TNR: variants seen among roughly 807,000 people sequenced by gnomAD.
TNR encodes tenascin-R.
Under a neutral mutation model 150.4 loss-of-function variants are expected in TNR, and 45 were observed. That is an observed-to-expected ratio of 0.30 (90% CI 0.24 to 0.38). The LOEUF (loss-of-function observed/expected upper bound fraction) is 0.38. TNR is among the 10% of genes least tolerant of loss of function. The probability of loss-of-function intolerance (pLI) is 1.00; values close to 1 mark genes in which losing one functional copy is unlikely to be tolerated. For synonymous variants in TNR, 687 were observed against 678.4 expected, an observed-to-expected ratio of 1.01 and a Z score of -0.20; for missense variants, 1,544 against 1,759.1, an observed-to-expected ratio of 0.88 and a Z score of 2.19.
chr1:175,681,716 A>T (rs1171099765), intron 1 of TNR, among the ~76,000 whole-genome samples: 1 of 152,180 alleles, frequency 6.6e-6, no homozygotes, highest in Non-Finnish European at 1.5e-5. Context: ...TCCATAAGCA[A>T]GGTGCAGAGA....
At chr1:175,417,065 AAGAAAGAAAG>A (rs1318842677) in intron 2 of TNR, among the ~76,000 whole-genome samples, 19 of 150,096 alleles carry the variant, frequency 1.3e-4, no homozygotes, top group African/African-American at 4.2e-4. Flanking sequence ...GAAAGAAAGA[AAGAAAGAAAG>A]AAATCTAAGA....
intron 2 of TNR, among the ~76,000 whole-genome samples, chr1:175,473,656 A>G (rs1487587885): frequency 1.3e-5 from 2 of 152,174 alleles, no homozygotes; most frequent in Non-Finnish European, 2.9e-5. Flanking sequence ...CCCTTGTCTG[A>G]TTCTGCCCGC....
At chr1:175,446,749 G>A (rs1656067600) in intron 2 of TNR, among the ~76,000 whole-genome samples, 1 of 152,144 alleles carries the variant, frequency 6.6e-6, no homozygotes, top group South Asian at 2.1e-4. Context: ...GTAAGTCATG[G>A]TCAGCTGGAA....
chr1:175,677,335 A>C (rs1665893654), intron 1 of TNR, among the ~76,000 whole-genome samples: 1 of 152,000 alleles, frequency 6.6e-6, no homozygotes, highest in Non-Finnish European at 1.5e-5. Flanking sequence ...ATTTCCCTCC[A>C]TTGCCTCCTA....
At chr1:175,722,589 C>T (rs1667338090) in intron 1 of TNR, among the ~76,000 whole-genome samples, 1 of 151,706 alleles carries the variant, frequency 6.6e-6, no homozygotes, top group Non-Finnish European at 1.5e-5. Flanking sequence ...CTCAGCCTCC[C>T]AGGTAGCTGA....
intron 2 of TNR, among the ~76,000 whole-genome samples, chr1:175,517,012 TGAGAGAGAGAGAGAGAGA>T (rs58416273): frequency 1.2e-4 from 15 of 120,452 alleles, no homozygotes; most frequent in African/African-American, 3.4e-4. Context: ...ATCTGAAAGC[TGAGAGAGAGAGAGAGAGA>T]GAGAGAGAGA....
At chr1:175,338,307 G>A (rs1304343123) in intron 18 of TNR, among the ~76,000 whole-genome samples, 2 of 152,192 alleles carry the variant, frequency 1.3e-5, no homozygotes, top group Non-Finnish European at 2.9e-5. Context: ...TTAAGGAGAG[G>A]GCAGGGGAAG....
At chr1:175,703,742 A>G (rs1666768070) in intron 1 of TNR, among the ~76,000 whole-genome samples, 2 of 152,220 alleles carry the variant, frequency 1.3e-5, no homozygotes, top group Non-Finnish European at 2.9e-5. Flanking sequence ...CCAAACAAGC[A>G]ATCACAAAGT....
rs1236881633 is a variant in TNR, at chr1:175,321,368, G to C, written c.*1989C>G. The C allele has an allele frequency of 6.6e-6, 1 of 152,192 alleles. No homozygotes were observed. The highest frequency in any genetic ancestry group is 1.5e-5 in the Non-Finnish European group (1 of 68,062). 9.4% of individuals were successfully genotyped at this position (152,192 alleles called of 1,614,324 possible). On this transcript the variant is annotated 3_prime_UTR_variant, in exon 23 of 23. Transcript: ENST00000367674. ...CCGAGGCCTGATGGTCAGCCCAAGG[G>C]ACTTTTCATCTTGGTTCTCAAAGCT...
intron 5 of TNR, among the ~76,000 whole-genome samples, chr1:175,396,243 T>C (rs1653419467): frequency 6.6e-6 from 1 of 152,246 alleles, no homozygotes; most frequent in Non-Finnish European, 1.5e-5. Flanking sequence ...TCTTACACTT[T>C]CCTTGACTTC....
At position 175,396,535 on chromosome 1, in the gene TNR, G is replaced by T. The variant is rs376878885; in HGVS notation, c.1240+9C>A. Reference sequence around the variant, plus strand: ...GAAAAATGAAGCAGGACGGGGAAATGGTACGTACGGGTGGCCACCTTGGCA... The same window carrying T: ...GAAAAATGAAGCAGGACGGGGAAATTGTACGTACGGGTGGCCACCTTGGCA... On this transcript the variant is annotated intron_variant, in intron 5 of 22. Coordinates refer to ENST00000367674, the MANE Select transcript of TNR (RefSeq NM_003285.3). 121 of 1,610,856 alleles carry T rather than the reference G, an allele frequency of 7.5e-5. No homozygotes were observed. The highest frequency in any genetic ancestry group is 8.7e-5 in the Non-Finnish European group (103 of 1,177,290).
In TNR at chr1:175,530,226, C is replaced by T. The variant is rs75374180; in HGVS notation, c.-164-1857G>A. On this transcript the variant is annotated intron_variant, in intron 1 of 22. Transcript: ENST00000367674. ...TATGCACACAGAAGGCTTACTGAGA[C>T]TTACTCCTGAGGGCTACGGCACCTG... Among the ~76,000 whole-genome samples, 317 of 152,252 alleles carry T rather than the reference C, an allele frequency of 2.1e-3. 1 individual carries two copies. Among genetic ancestry groups the T allele is most frequent in the African/African-American group, 7.3e-3 (302 of 41,550 alleles).
At chr1:175,508,184 G>T (rs1659033287) in intron 2 of TNR, among the ~76,000 whole-genome samples, 1 of 151,984 alleles carries the variant, frequency 6.6e-6, no homozygotes, top group African/African-American at 2.4e-5. Context: ...CTAGATGATG[G>T]GTTGATATGT....
intron 1 of TNR, among the ~76,000 whole-genome samples, chr1:175,739,137 G>C (rs1667853329): frequency 6.6e-6 from 1 of 152,150 alleles, no homozygotes; most frequent in Non-Finnish European, 1.5e-5. Context: ...TGGGTGCACT[G>C]AGTGCATTCT....
intron 2 of TNR, among the ~76,000 whole-genome samples, chr1:175,481,023 C>G (rs1657787994): frequency 6.6e-6 from 1 of 152,062 alleles, no homozygotes; most frequent in African/African-American, 2.4e-5. Flanking sequence ...TAACTTTGAA[C>G]TGAAAACCTT....
rs1461263959 is a variant in TNR at position 175,671,915 on chromosome 1, G to GTGTA, written c.-165+71310_-165+71311insTACA. On this transcript the variant is annotated intron_variant, in intron 1 of 22. Transcript: ENST00000367674. ...AGGGAGTCTTATGAGCTGTACCTGT[G>GTGTA]TGTGTGTGTGTGTGTGTGTGTGTGT... is the stretch of plus-strand genomic sequence containing the variant. Among the ~76,000 whole-genome samples the GTGTA allele has an allele frequency of 2.8e-5, 4 of 141,458 alleles. No individual in the cohort carries two copies. The East Asian group carries it at 8.1e-4, about 29-fold the overall frequency. The allele number at this position is 141,458 out of a possible 152,430, so 92.8% of individuals were successfully genotyped here. A position where few individuals can be genotyped will look rare whatever the true frequency, so the allele number is the denominator to read the frequency against.
At chr1:175,648,217 A>G (rs1231272054) in intron 1 of TNR, among the ~76,000 whole-genome samples, 1 of 152,110 alleles carries the variant, frequency 6.6e-6, no homozygotes, top group Non-Finnish European at 1.5e-5. Flanking sequence ...GAGACTGAGG[A>G]CAATGCCGCA....
intron 1 of TNR, among the ~76,000 whole-genome samples, chr1:175,662,846 G>A (rs1442098574): frequency 1.3e-5 from 2 of 152,136 alleles, no homozygotes; most frequent in Non-Finnish European, 2.9e-5. Context: ...TTGGGGTGGA[G>A]GTCATGTCTA....
At chr1:175,415,265 C>T (rs1281314051) in intron 2 of TNR, among the ~76,000 whole-genome samples, 3 of 152,072 alleles carry the variant, frequency 2.0e-5, no homozygotes, top group African/African-American at 4.8e-5. Context: ...TGATTACAGC[C>T]GGCCCCATTG....
Sources: allele counts gnomAD v4.1 joint callset (sites outside exome capture counted in the v4.1 genomes callset), GRCh38; gene constraint gnomAD v4.1.1; transcripts MANE v1.5; gene names NCBI Gene and HGNC (gene_info 2026-07-23, HGNC 2026-07-21).